The following TMPPE variants were observed in gnomAD, a reference collection of about 807,000 sequenced individuals.
TMPPE encodes transmembrane protein with metallophosphoesterase domain.
Under a neutral mutation model 22.6 loss-of-function variants are expected in TMPPE, and 16 were observed. That is an observed-to-expected ratio of 0.71 (90% confidence interval 0.48 to 1.08). The LOEUF is 1.08. TMPPE is among the 50% of genes least tolerant of loss of function. The pLI is 0.00. For synonymous variants in TMPPE, 240 were observed against 245.3 expected, an observed-to-expected ratio of 0.98 and a Z score of 0.20; for missense variants, 526 against 584.3, an observed-to-expected ratio of 0.90 and a Z score of 1.03.
At position 33,094,151 on chromosome 3, in the gene TMPPE, C is replaced by T; in HGVS notation, c.45G>A (p.Leu15=). ...TGGACACGAAGACAGTGACAGCAGC[C>T]AGGGTGGCCTTCGCGCCTAGGGACA... ...RQLSLGAKAT[L]AAVTVFVSMI... The change falls in exon 2 of 2, where the codon CTG becomes CTA. Residue 15 remains leucine (L), a synonymous_variant. Coordinates refer to ENST00000342462, the MANE Select transcript of TMPPE (RefSeq NM_001039770.3). 6.2e-7 allele frequency: 1 copy of T among 1,612,730 alleles called. No homozygotes were observed. The highest frequency in any genetic ancestry group is 8.5e-7 in the Non-Finnish European group (1 of 1,178,858).
chr3:33,094,556 A>G (rs1700920624), intron 1 of TMPPE, among the ~76,000 whole-genome samples: 1 of 152,242 alleles, frequency 6.6e-6, no homozygotes, highest in African/African-American at 2.4e-5. Context: ...TTGTTTTATA[A>G]AAACATTCCA....
rs1360589747 is a variant in TMPPE, at chr3:33,092,136, G to A, written c.*698C>T. On this transcript the variant is annotated 3_prime_UTR_variant, in exon 2 of 2. Transcript: ENST00000342462. ...AAGCAGCCATGTTCTCACCATCACCGACCATGGCGCCCACCGTTCTTCTCC... is the reference window on the plus strand; with the variant it reads ...AAGCAGCCATGTTCTCACCATCACCAACCATGGCGCCCACCGTTCTTCTCC... The A allele has an allele frequency of 2.0e-5, 20 of 985,254 alleles. No homozygotes were observed. The highest frequency in any genetic ancestry group is 2.4e-5 in the Non-Finnish European group (20 of 830,058). 61.0% of individuals were successfully genotyped at this position (985,254 alleles called of 1,614,324 possible).
In TMPPE at chr3:33,095,141, GTGGAAGTT is replaced by G. The variant is rs1386774653; in HGVS notation, c.-108-846_-108-839del. ...CAGGAGAATCACTTGAACCTGGGAG[GTGGAAGTT>G]GTAGTGAGCCAAGATCGTGCCACTG... On this transcript the variant is annotated intron_variant, in intron 1 of 1. Transcript: ENST00000342462. Among the ~76,000 whole-genome samples, 929 of 136,566 alleles carry G rather than the reference GTGGAAGTT, an allele frequency of 6.8e-3. 15 individuals carry two copies. The highest frequency in any genetic ancestry group is 0.024 in the African/African-American group (873 of 36,032). 89.6% of individuals were successfully genotyped at this position (136,566 alleles called of 152,430 possible).
intron 1 of TMPPE, among the ~76,000 whole-genome samples, chr3:33,094,948 C>G (rs1055656426): frequency 5.9e-5 from 9 of 152,108 alleles, no homozygotes; most frequent in Admixed American, 1.3e-4. Flanking sequence ...CAGTGGCTGA[C>G]GCCTATAATT....
rs1701048520 is a variant in TMPPE at position 33,096,769 on chromosome 3, G to A, written c.-159C>T. On this transcript the variant is annotated 5_prime_UTR_variant, in exon 1 of 2. Transcript: ENST00000342462. ...GGGGAAGTGGATCCAAGCGCAAAGG[G>A]CGGCCGGAGCGGAACGCACAAGCGA... 1.9e-5 allele frequency: 25 copies of A among 1,324,564 alleles called. No homozygotes were observed. Among genetic ancestry groups the A allele is most frequent in the Non-Finnish European group, 2.4e-5 (25 of 1,041,580 alleles). The allele number at this position is 1,324,564 out of a possible 1,614,324, so 82.1% of individuals were successfully genotyped here.
intron 1 of TMPPE, 51 bp from the exon 2 acceptor site, chr3:33,094,354 A>T (rs1700912624): frequency 7.1e-7 from 1 of 1,401,462 alleles, no homozygotes; most frequent in South Asian, 1.9e-5. Flanking sequence ...GTGTCCTTGT[A>T]CCCATTCAAA....
chr3:33,096,649 A>G, intron 1 of TMPPE, 70 bp downstream of exon 1: 1 of 1,097,820 alleles, frequency 9.1e-7, no homozygotes, highest in Non-Finnish European at 1.1e-6. Flanking sequence ...CCAGAGCCGG[A>G]GGCACCCTCT....
At chr3:33,095,675 G>A (rs528223711) in intron 1 of TMPPE, among the ~76,000 whole-genome samples, 6 of 152,126 alleles carry the variant, frequency 3.9e-5, no homozygotes, top group Non-Finnish European at 8.8e-5. Context: ...GATTGACCCT[G>A]TCCACCTGTT....
rs544171229 is a variant in TMPPE, at chr3:33,091,268, G to T, written c.*1566C>A. ...GGTATGGCCCACTGTCAATACCGTG[G>T]CTGCCTGGGAACAAAAAGGGTGGTC... is the stretch of plus-strand genomic sequence containing the variant. On this transcript the variant is annotated 3_prime_UTR_variant, in exon 2 of 2. Transcript: ENST00000342462. 1.2e-5 allele frequency: 12 copies of T among 985,432 alleles called. No individual in the cohort carries two copies. The South Asian group carries it at 5.2e-4, about 42-fold the overall frequency. The allele number at this position is 985,432 out of a possible 1,614,324, so 61.0% of individuals were successfully genotyped here.
chr3:33,096,698 T>G, intron 1 of TMPPE, 21 bp downstream of exon 1: 2 of 1,187,910 alleles, frequency 1.7e-6, no homozygotes, highest in Non-Finnish European at 2.1e-6. Flanking sequence ...GAAAGCCAAC[T>G]TAGGAAATGT....
intron 1 of TMPPE, among the ~76,000 whole-genome samples, chr3:33,094,893 AG>A (rs1490867193): frequency 6.6e-6 from 1 of 152,236 alleles, no homozygotes; most frequent in Non-Finnish European, 1.5e-5. Context: ...GTAATGATGT[AG>A]TATTTCTTAA....
Position 33,092,389 on chromosome 3 carries a change from G to A in TMPPE, c.*445C>T. 1.0e-6 allele frequency: 1 copy of A among 991,078 alleles called. No homozygotes were observed. Among genetic ancestry groups the A allele is most frequent in the Non-Finnish European group, 1.2e-6 (1 of 833,440 alleles). The allele number at this position is 991,078 out of a possible 1,614,324, so 61.4% of individuals were successfully genotyped here. A position where few individuals can be genotyped will look rare whatever the true frequency, so the allele number is the denominator to read the frequency against. On this transcript the variant is annotated 3_prime_UTR_variant, in exon 2 of 2. Coordinates refer to ENST00000342462, the MANE Select transcript of TMPPE (RefSeq NM_001039770.3). ...GCAACACTACCCCTTCCCCAGAAAG[G>A]CTCTGGATCAATGATTCTGGAAACC...
Position 33,091,564 on chromosome 3 carries a change from G to A in TMPPE, c.*1270C>T, listed in dbSNP as rs1006093696. On this transcript the variant is annotated 3_prime_UTR_variant, in exon 2 of 2. Transcript: ENST00000342462. ...GAAAAATTAACATTGAGTGTTTACT[G>A]TGCACGCTGTGCCATGTGGAACTCA... 2.8e-5 allele frequency: 28 copies of A among 985,448 alleles called. No homozygotes were observed. In the East Asian group the frequency reaches 2.9e-3, roughly 104 times the overall value. The allele number at this position is 985,448 out of a possible 1,614,324, so 61.0% of individuals were successfully genotyped here. A position where few individuals can be genotyped will look rare whatever the true frequency, so the allele number is the denominator to read the frequency against.
At position 33,093,911 on chromosome 3, in the gene TMPPE, C is replaced by T; in HGVS notation, c.285G>A (p.Leu95=). 1 of 1,614,020 alleles carries T rather than the reference C, an allele frequency of 6.2e-7. No individual in the cohort carries two copies. ...WKVVVLAFLA[L]AHSSFFTMFF... ...ACATGGTAAAGAAACTGGAATGGGC[C>T]AGGGCCAGAAATGCCAGAACCACCA... Residue 95 remains leucine (L), a synonymous_variant, in exon 2 of 2, where the codon CTG becomes CTA. Transcript: ENST00000342462. This position sits in a 1 kb window ranked among gnomAD's most constrained non-coding sequence, Gnocchi z 6.0.
In TMPPE at chr3:33,092,006, C is replaced by T. The variant is rs1700784062; in HGVS notation, c.*828G>A. ...ACTGCCTGTGCCCTATCTCTCTTTG[C>T]CTTGGTTTCCTTATCTCCAAATAGG... On this transcript the variant is annotated 3_prime_UTR_variant, in exon 2 of 2. Coordinates refer to ENST00000342462, the MANE Select transcript of TMPPE (RefSeq NM_001039770.3). The T allele has an allele frequency of 5.1e-6, 5 of 984,470 alleles. No individual in the cohort carries two copies. Among genetic ancestry groups the T allele is most frequent in the Non-Finnish European group, 6.0e-6 (5 of 829,072 alleles). The allele number at this position is 984,470 out of a possible 1,614,324, so 61.0% of individuals were successfully genotyped here.
Position 33,093,495 on chromosome 3 carries a change from T to A in TMPPE, c.701A>T (p.Asn234Ile). Residue 234 changes from asparagine (N) to isoleucine (I), a missense_variant, in exon 2 of 2, where the codon AAT (asparagine) becomes ATT (isoleucine). Coordinates refer to ENST00000342462, the MANE Select transcript of TMPPE (RefSeq NM_001039770.3). The surrounding 1 kb of genome is among the most constrained non-coding windows in gnomAD (Gnocchi z 6.0). ...CACCGTGATGTCTGGTTCCAGCACA[T>A]TCACCATCCTCACAAACATTTCCAT... ...TKMEMFVRMV[N>I]VLEPDITVIV... The A allele has an allele frequency of 1.2e-6, 2 of 1,614,176 alleles. No individual in the cohort carries two copies. The highest frequency in any genetic ancestry group is 8.5e-7 in the Non-Finnish European group (1 of 1,180,038).
rs370137420 is a variant in TMPPE at position 33,092,044 on chromosome 3, G to C, written c.*790C>G. 1.1e-4 allele frequency: 112 copies of C among 985,062 alleles called. No homozygotes were observed. The East Asian group carries it at 7.0e-3, about 62-fold the overall frequency. The allele number at this position is 985,062 out of a possible 1,614,324, so 61.0% of individuals were successfully genotyped here. A position where few individuals can be genotyped will look rare whatever the true frequency, so the allele number is the denominator to read the frequency against. The stretch of plus-strand genomic sequence containing the variant: ...ATCTCCAAATAGGGAAAAGCAGCCT[G>C]TCCCCAGTGAGCTCCCCGAAGGGTT... On this transcript the variant is annotated 3_prime_UTR_variant, in exon 2 of 2. Coordinates refer to ENST00000342462, the MANE Select transcript of TMPPE (RefSeq NM_001039770.3).
rs138410571 is a variant in TMPPE, at chr3:33,094,113, C to T, written c.83G>A (p.Arg28His). The change falls in exon 2 of 2, where the codon CGC becomes CAC. Residue 28 changes from arginine to histidine, a missense_variant. Transcript: ENST00000342462. ...VTVFVSMIAS[R>H]SYLAESLELR... The stretch of plus-strand genomic sequence containing the variant: ...CTCAAGGCTCTCTGCCAGATACGAG[C>T]GGGAGGCGATCATGGACACGAAGAC... The T allele has an allele frequency of 2.8e-4, 447 of 1,614,212 alleles. 3 individuals carry two copies. Among genetic ancestry groups the T allele is most frequent in the Non-Finnish European group, 4.0e-5 (47 of 1,180,026 alleles).
rs751596344 is a variant in TMPPE, at chr3:33,093,430, G to A, written c.766C>T (p.Arg256Trp). Reference sequence around the variant, plus strand: ...TGGCCCAGAGGAGCGACAGCCGTCCGCAGGACCGAGGCTTCTGAGTCGGAG... The same window carrying A: ...TGGCCCAGAGGAGCGACAGCCGTCCACAGGACCGAGGCTTCTGAGTCGGAG... ...DLSDSEASVL[R>W]TAVAPLGQLH... is the part of the protein sequence containing the mutation. The change falls in exon 2 of 2, where the codon CGG becomes TGG. Residue 256 changes from arginine (R) to tryptophan (W), a missense_variant. Transcript: ENST00000342462. This position sits in a 1 kb window ranked among gnomAD's most constrained non-coding sequence, Gnocchi z 6.0. 62 of 1,613,944 alleles carry A rather than the reference G, an allele frequency of 3.8e-5. No individual in the cohort carries two copies. The highest frequency in any genetic ancestry group is 2.1e-4 in the South Asian group (19 of 91,070).
Sources: gnomAD v4.1 joint callset for allele counts (sites outside exome capture counted in the v4.1 genomes callset) on GRCh38, gnomAD v4.1.1 for gene constraint, Gnocchi (gnomAD v3.1) non-coding constraint, MANE v1.5 for transcripts, NCBI Gene and HGNC (gene_info 2026-07-23, HGNC 2026-07-21) for gene names.